CTSB: variants seen among roughly 807,000 people sequenced by gnomAD.
CTSB encodes the protein APP secretase.
A neutral mutation model predicts 44.3 loss-of-function variants in CTSB; 57 were observed. The observed-to-expected ratio is 1.29, with a 90% CI of 1.04 to 1.60. CTSB has a LOEUF of 1.60. Ranked by LOEUF, CTSB falls within the 40% of genes most tolerant of loss-of-function variation. The pLI, the probability that CTSB is intolerant of heterozygous loss-of-function variation, is 0.00. For synonymous variants in CTSB, 320 were observed against 168.0 expected (o/e 1.91, Z -7.00); for missense variants, 768 against 443.0 (o/e 1.73, Z -6.59).
At chr8:11,849,414 G>A (rs1218096096) in intron 4 of CTSB, 3 of 324,894 alleles carry the variant, frequency 9.2e-6, no homozygotes, top group East Asian at 6.0e-5. Flanking sequence ...CCAAAGTGCT[G>A]GGATTAGAGG....
At chr8:11,855,818 G>A (rs1815412736) in intron 1 of CTSB, among the ~76,000 whole-genome samples, 1 of 151,918 alleles carries the variant, frequency 6.6e-6, no homozygotes, top group African/African-American at 2.4e-5. Flanking sequence ...AGGAGTTTGA[G>A]ACCAGCCTGG....
chr8:11,845,060 A>C lies in CTSB; in HGVS notation c.*65T>G, dbSNP rs1173283239. 2.4e-5 allele frequency: 26 copies of C among 1,094,464 alleles called. No individual in the cohort carries two copies. The highest frequency in any genetic ancestry group is 3.6e-5 in the Non-Finnish European group (26 of 713,334). The allele number at this position is 1,094,464 out of a possible 1,614,324, so 67.8% of individuals were successfully genotyped here. A position where few individuals can be genotyped will look rare whatever the true frequency, so the allele number is the denominator to read the frequency against. On this transcript the variant is annotated 3_prime_UTR_variant, in exon 10 of 10. Transcript: ENST00000353047. ...TGAAACTTGTATCTTACGTGAACTT[A>C]AAGAATAAAATGCATTTCTACCCCG... is the stretch of plus-strand genomic sequence containing the variant.
chr8:11,860,966 G>A (rs1298465933), intron 1 of CTSB, among the ~76,000 whole-genome samples: 1 of 152,232 alleles, frequency 6.6e-6, no homozygotes, highest in African/African-American at 2.4e-5. Flanking sequence ...TGCACTGGGT[G>A]GGAGTGTGCT....
At chr8:11,853,147 G>A (rs1035034203) in intron 2 of CTSB, among the ~76,000 whole-genome samples, 182 bp downstream of exon 2, 2 of 152,050 alleles carry the variant, frequency 1.3e-5, no homozygotes, top group African/African-American at 4.8e-5. Context: ...ACACACGTGG[G>A]GTATGGGACA....
At chr8:11,865,646 A>G (rs1817015325) in intron 1 of CTSB, 1 of 151,670 alleles carries the variant, frequency 6.6e-6, no homozygotes, top group East Asian at 1.9e-4. Flanking sequence ...CCTCCCTCTC[A>G]ATGTTTCAGT....
chr8:11,866,239 C>A (rs1474559012), intron 1 of CTSB, among the ~76,000 whole-genome samples: 1 of 152,138 alleles, frequency 6.6e-6, no homozygotes, highest in Non-Finnish European at 1.5e-5. Context: ...AAAAGAGCCT[C>A]CCCAGTCTGC....
chr8:11,853,052 G>C (rs984032848), intron 2 of CTSB, among the ~76,000 whole-genome samples: 4 of 152,072 alleles, frequency 2.6e-5, no homozygotes, highest in African/African-American at 9.7e-5. Context: ...AGCTGGTTTT[G>C]AACACTTCCG....
intron 1 of CTSB, among the ~76,000 whole-genome samples, chr8:11,857,159 G>C (rs1450526532): frequency 6.6e-6 from 1 of 152,184 alleles, no homozygotes; most frequent in Non-Finnish European, 1.5e-5. Flanking sequence ...GAGTAGCTGG[G>C]ATTACAGGCC....
chr8:11,856,209 G>C (rs760765122), intron 1 of CTSB, among the ~76,000 whole-genome samples: 61 of 152,116 alleles, frequency 4.0e-4, no homozygotes, highest in Non-Finnish European at 8.4e-4. Context: ...CACAACCACC[G>C]AGACATCAAC....
At chr8:11,846,898 G>C (rs552859577) in intron 8 of CTSB, 154 bp downstream of exon 8, 5 of 626,794 alleles carry the variant, frequency 8.0e-6, no homozygotes, top group Admixed American at 2.6e-5. Context: ...GGTCCACAGA[G>C]GAGTGAGCCT....
At position 11,844,274 on chromosome 8, in the gene CTSB, T is replaced by C. The variant is rs924677725; in HGVS notation, c.*851A>G. ...GACAAAGAGAGACAGCAGCTACAAGTCTATAGGCAGTGACAAAGGATCTGA... is the reference window on the plus strand; with the variant it reads ...GACAAAGAGAGACAGCAGCTACAAGCCTATAGGCAGTGACAAAGGATCTGA... On this transcript the variant is annotated 3_prime_UTR_variant, in exon 10 of 10. Coordinates refer to ENST00000353047, the MANE Select transcript of CTSB (RefSeq NM_001908.5). 3.3e-5 allele frequency: 5 copies of C among 152,146 alleles called. No individual in the cohort carries two copies. Among genetic ancestry groups the C allele is most frequent in the African/African-American group, 9.7e-5 (4 of 41,412 alleles). 9.4% of individuals were successfully genotyped at this position (152,146 alleles called of 1,614,324 possible). A position where few individuals can be genotyped will look rare whatever the true frequency, so the allele number is the denominator to read the frequency against.
chr8:11,845,462 C>T (rs374623272), intron 9 of CTSB, among the ~76,000 whole-genome samples, 199 bp downstream of exon 9: 7 of 152,180 alleles, frequency 4.6e-5, no homozygotes, highest in East Asian at 1.9e-4. Context: ...CTGTTGCAGG[C>T]GTTGGCTCTG....
chr8:11,852,447 A>G (rs1409185304), intron 3 of CTSB, among the ~76,000 whole-genome samples, 163 bp downstream of exon 3: 2 of 152,196 alleles, frequency 1.3e-5, no homozygotes, highest in Non-Finnish European at 2.9e-5. Context: ...AGAAAGTAAT[A>G]TAAAAATGAA....
chr8:11,846,750 G>C (rs962383084), intron 8 of CTSB, among the ~76,000 whole-genome samples: 8 of 152,236 alleles, frequency 5.3e-5, no homozygotes, highest in Admixed American at 1.3e-4. Flanking sequence ...CCACCAGGGA[G>C]GGGGGCGTTC....
Position 11,844,885 on chromosome 8 carries a change from C to G in CTSB, c.*240G>C. 1.9e-6 allele frequency: 1 copy of G among 526,424 alleles called. No individual in the cohort carries two copies. The allele number at this position is 526,424 out of a possible 1,614,324, so 32.6% of individuals were successfully genotyped here. On this transcript the variant is annotated 3_prime_UTR_variant, in exon 10 of 10. Coordinates refer to ENST00000353047, the MANE Select transcript of CTSB (RefSeq NM_001908.5). The stretch of plus-strand genomic sequence containing the variant: ...GGGGCAGCAGGTACTCCCTACGGCA[C>G]TAGTCTACAGGGGGAAGGACGCTCT...
chr8:11,857,314 G>A (rs774739119), intron 1 of CTSB, among the ~76,000 whole-genome samples: 1 of 152,116 alleles, frequency 6.6e-6, no homozygotes, highest in South Asian at 2.1e-4. Context: ...CACTGGACCT[G>A]GCCCCTAGTG....
chr8:11,845,848 A>AT (rs1261860559), intron 8 of CTSB, 59 bp from the exon 9 acceptor site: 27 of 1,513,560 alleles, frequency 1.8e-5, no homozygotes, highest in Non-Finnish European at 2.3e-5. Flanking sequence ...GCCCCACAGC[A>AT]CCCCCCACAC....
chr8:11,863,853 G>T (rs748150608), intron 1 of CTSB, among the ~76,000 whole-genome samples: 7 of 152,124 alleles, frequency 4.6e-5, no homozygotes, highest in Admixed American at 2.0e-4. Flanking sequence ...CCACACTGGA[G>T]AACCCTTTGC....
chr8:11,845,899 G>T, intron 8 of CTSB, 110 bp from the exon 9 acceptor site: 2 of 1,339,930 alleles, frequency 1.5e-6, no homozygotes, highest in Admixed American at 2.7e-5. Flanking sequence ...AGCTTCCAGA[G>T]GGAACCTGCT....
Sources: allele counts gnomAD v4.1 joint callset (sites outside exome capture counted in the v4.1 genomes callset), GRCh38; gene constraint gnomAD v4.1.1; transcripts MANE v1.5; gene names NCBI Gene and HGNC (gene_info 2026-07-23, HGNC 2026-07-21).